Variants in F5 observed in about 807,000 individuals in gnomAD.
The protein encoded by F5 is coagulation factor V.
A neutral mutation model predicts 216.4 loss-of-function variants in F5; 138 were observed. That is an observed-to-expected ratio of 0.64 (90% confidence interval 0.56 to 0.73). The LOEUF (loss-of-function observed/expected upper bound fraction) is 0.73, where lower values mean the gene tolerates loss of function less well. Among genes scored for constraint, F5 ranks in the 30% least tolerant of loss-of-function variants. The probability of loss-of-function intolerance (pLI) is 0.00; values close to 1 mark genes in which losing one functional copy is unlikely to be tolerated. For missense variants in F5, 2,403 were observed against 2,674.0 expected, an observed-to-expected ratio of 0.90 and a Z score of 2.24; for synonymous variants, 916 against 930.7, an observed-to-expected ratio of 0.98 and a Z score of 0.29.
chr1:169,521,775 C>T (rs2101805631), intron 21 of F5, among the ~76,000 whole-genome samples: 1 of 145,562 alleles, frequency 6.9e-6, no homozygotes, highest in Admixed American at 7.2e-5. Context: ...TGCACGCCAC[C>T]CTGCCTAATT....
chr1:169,557,321 T>C (rs143945610), intron 5 of F5, among the ~76,000 whole-genome samples: 7 of 152,190 alleles, frequency 4.6e-5, no homozygotes, highest in Non-Finnish European at 8.8e-5. Context: ...GAACCGCCAA[T>C]AGGGCTGAGT....
intron 21 of F5, 86 bp downstream of exon 21, chr1:169,523,111 T>C: frequency 6.8e-7 from 1 of 1,463,960 alleles, no homozygotes; most frequent in South Asian, 1.1e-5. Flanking sequence ...AGGTATTTTT[T>C]AAAATACATA....
At chr1:169,566,157 T>C (rs1660596005) in intron 3 of F5, among the ~76,000 whole-genome samples, 1 of 152,062 alleles carries the variant, frequency 6.6e-6, no homozygotes, top group African/African-American at 2.4e-5. Context: ...AGCTGCACCA[T>C]CTACCTTGAA....
In F5 at chr1:169,526,033, C is replaced by A; in HGVS notation, c.5600-16G>T. On this transcript the variant is annotated splice_polypyrimidine_tract_variant and intron_variant, in intron 17 of 24. Coordinates refer to ENST00000367797, the MANE Select transcript of F5 (RefSeq NM_000130.5). ...TTAAATGAACCTAAAATAAAAAGAA[C>A]AACATTACATTTGCAAAAATTAACA... The A allele has an allele frequency of 6.4e-7, 1 of 1,564,140 alleles. No individual in the cohort carries two copies. Among genetic ancestry groups the A allele is most frequent in the Non-Finnish European group, 8.8e-7 (1 of 1,136,232 alleles).
intron 16 of F5, 92 bp downstream of exon 16, chr1:169,529,516 T>A: frequency 2.5e-6 from 3 of 1,182,970 alleles, no homozygotes; most frequent in Middle Eastern, 5.0e-4. Context: ...CAGAAGCATC[T>A]CATGTCTAAT....
At chr1:169,584,986 AAG>A (rs1661070980) in intron 1 of F5, among the ~76,000 whole-genome samples, 1 of 152,184 alleles carries the variant, frequency 6.6e-6, no homozygotes, top group Non-Finnish European at 1.5e-5. Context: ...AACTACAGAC[AAG>A]AGAAAAAACT....
intron 11 of F5, among the ~76,000 whole-genome samples, chr1:169,546,229 C>T (rs771274587): frequency 2.6e-5 from 4 of 151,878 alleles, no homozygotes; most frequent in African/African-American, 4.8e-5. Context: ...GAAGATCAAA[C>T]GCATTTCTAA....
At position 169,560,893 on chromosome 1, in the gene F5, T is replaced by C. The variant is rs958828876; in HGVS notation, c.374-127A>G. The C allele has an allele frequency of 7.5e-6, 6 of 797,368 alleles. No individual in the cohort carries two copies. The East Asian group carries it at 1.1e-4, about 14-fold the overall frequency. The allele number at this position is 797,368 out of a possible 1,614,324, so 49.4% of individuals were successfully genotyped here. ...CATATGTCCTTCAATAGTGAACTTT[T>C]ATTATTTGGAAAGATTCACATATGC... On this transcript the variant is annotated intron_variant, in intron 3 of 24. Transcript: ENST00000367797.
At position 169,520,601 on chromosome 1, in the gene F5, C is replaced by T. The variant is rs896317019; in HGVS notation, c.6112G>A (p.Ala2038Thr). 1 of 1,613,854 alleles carries T rather than the reference C, an allele frequency of 6.2e-7. No individual in the cohort carries two copies. Among genetic ancestry groups the T allele is most frequent in the Non-Finnish European group, 8.5e-7 (1 of 1,179,880 alleles). The part of the protein sequence containing the change: ...KENQFDPPIV[A>T]RYIRISPTRA... ...GTTGGAGAGATCCTAATATATCTAG[C>T]CACAATAGGTGGGTCAAACTGATTC... Residue 2038 changes from alanine (A) to threonine (T), a missense_variant, in exon 22 of 25, where the codon GCT becomes ACT. Ala to Thr is a moderately conservative substitution (Grantham distance 58). Coordinates refer to ENST00000367797, the MANE Select transcript of F5 (RefSeq NM_000130.5).
chr1:169,518,392 A>C lies in F5; in HGVS notation c.6345+20T>G. 1 of 1,613,344 alleles carries C rather than the reference A, an allele frequency of 6.2e-7. No individual in the cohort carries two copies. Among genetic ancestry groups the C allele is most frequent in the Non-Finnish European group, 8.5e-7 (1 of 1,179,570 alleles). On this transcript the variant is annotated intron_variant, in intron 23 of 24. Coordinates refer to ENST00000367797, the MANE Select transcript of F5 (RefSeq NM_000130.5). Reference sequence around the variant, plus strand: ...TCTTCTGGAGCCCTAAGAGAACACCATGCATAGAGTATACTTGACCTTGGC... The same window carrying C: ...TCTTCTGGAGCCCTAAGAGAACACCCTGCATAGAGTATACTTGACCTTGGC...
At chr1:169,536,785 T>C (rs1659715234) in intron 13 of F5, 105 bp from the exon 14 acceptor site, 1 of 853,460 alleles carries the variant, frequency 1.2e-6, no homozygotes. Context: ...GAGAAGGTCT[T>C]TAATAAATAC....
At chr1:169,580,267 C>A (rs1660958172) in intron 2 of F5, among the ~76,000 whole-genome samples, 1 of 152,148 alleles carries the variant, frequency 6.6e-6, no homozygotes, top group South Asian at 2.1e-4. Context: ...GCTTGTCTAT[C>A]CATAGGTTAT....
At chr1:169,523,710 A>C in intron 20 of F5, 91 bp downstream of exon 20, 1 of 1,173,800 alleles carries the variant, frequency 8.5e-7, no homozygotes, top group Admixed American at 1.7e-5. Flanking sequence ...TCCCCTAACA[A>C]CATTGCAAGA....
intron 21 of F5, among the ~76,000 whole-genome samples, chr1:169,522,575 A>G (rs1659334815): frequency 1.3e-5 from 2 of 152,198 alleles, no homozygotes; most frequent in African/African-American, 4.8e-5. Flanking sequence ...ATAAAATATA[A>G]GCAGAAACAG....
At position 169,520,647 on chromosome 1, in the gene F5, T is replaced by C. The variant is rs755384450; in HGVS notation, c.6066A>G (p.Ser2022=). 79 of 1,613,716 alleles carry C rather than the reference T, an allele frequency of 4.9e-5. 1 individual carries two copies. In the South Asian group the frequency reaches 8.1e-4, roughly 17 times the overall value. Residue 2022 remains serine (S), a synonymous_variant, in exon 22 of 25, where the codon TCA becomes TCG. Transcript: ENST00000367797. ...TRNVMYFNGN[S]DASTIKENQF... is the part of the protein sequence containing the mutation. Reference sequence around the variant, plus strand: ...GATTCTCTTTTATTGTAGAGGCATCTGAATTGCCATTAAAATACTAGAAGA... The same window carrying C: ...GATTCTCTTTTATTGTAGAGGCATCCGAATTGCCATTAAAATACTAGAAGA...
intron 3 of F5, among the ~76,000 whole-genome samples, chr1:169,564,058 T>C (rs1660544826): frequency 6.6e-6 from 1 of 152,132 alleles, no homozygotes; most frequent in African/African-American, 2.4e-5. Flanking sequence ...CTCAGCAGCC[T>C]GTAGTCTAAT....
At chr1:169,537,863 G>A (rs764143953) in intron 13 of F5, among the ~76,000 whole-genome samples, 2 of 152,068 alleles carry the variant, frequency 1.3e-5, no homozygotes, top group Non-Finnish European at 2.9e-5. Context: ...GGGAACTCTT[G>A]TATACTCTTG....
At chr1:169,550,540 G>T in intron 9 of F5, 100 bp downstream of exon 9, 1 of 848,296 alleles carries the variant, frequency 1.2e-6, no homozygotes. Flanking sequence ...TATACTACCT[G>T]ACTGCAGTAG....
At chr1:169,572,419 C>T (rs187676349) in intron 2 of F5, 76 bp from the exon 3 acceptor site, 100 of 1,539,986 alleles carry the variant, frequency 6.5e-5, no homozygotes, top group Admixed American at 1.2e-4. Flanking sequence ...GAAAAACAAA[C>T]AGATGATACC....
Sources: gnomAD v4.1 joint callset for allele counts (sites outside exome capture counted in the v4.1 genomes callset) on GRCh38, gnomAD v4.1.1 for gene constraint, MANE v1.5 for transcripts, NCBI Gene and HGNC (gene_info 2026-07-23, HGNC 2026-07-21) for gene names.